The following FAM222B variants were observed in gnomAD, a reference collection of about 807,000 sequenced individuals.
FAM222B encodes family with sequence similarity 222 member B.
A neutral mutation model predicts 38.0 loss-of-function variants in FAM222B; 12 were observed. The ratio of observed to expected loss-of-function variants is 0.32; its 90% CI spans 0.20 to 0.51. FAM222B has a LOEUF of 0.51. Among genes scored for constraint, FAM222B ranks in the 20% least tolerant of loss-of-function variants. FAM222B has a pLI of 0.97. For synonymous variants in FAM222B, 329 were observed against 317.2 expected (o/e 1.04, Z -0.40); for missense variants, 716 against 754.2 (o/e 0.95, Z 0.59).
intron 1 of FAM222B, among the ~76,000 whole-genome samples, chr17:28,778,346 G>A (rs1209055616): frequency 4.0e-5 from 6 of 151,814 alleles, no homozygotes; most frequent in African/African-American, 1.2e-4. Context: ...AACATGCGGT[G>A]TTTGGTTTTC....
intron 1 of FAM222B, among the ~76,000 whole-genome samples, chr17:28,792,981 G>T (rs1277161171): frequency 6.6e-6 from 1 of 151,570 alleles, no homozygotes; most frequent in Non-Finnish European, 1.5e-5. Context: ...CAGTGCAGTA[G>T]TGTGACCACA....
At position 28,757,722 on chromosome 17, in the gene FAM222B, G is replaced by A. The variant is rs1192413724; in HGVS notation, c.*548C>T. ...GGGATCAATATAGACACAAAACAAAGCCTTGAGGAATGGAAAGGAACTTGA... is the reference window on the plus strand; with the variant it reads ...GGGATCAATATAGACACAAAACAAAACCTTGAGGAATGGAAAGGAACTTGA... On this transcript the variant is annotated 3_prime_UTR_variant, in exon 3 of 3. Coordinates refer to ENST00000581407, the MANE Select transcript of FAM222B (RefSeq NM_001077498.3). 6.5e-6 allele frequency: 1 copy of A among 152,804 alleles called. No homozygotes were observed. Among genetic ancestry groups the A allele is most frequent in the East Asian group, 1.9e-4 (1 of 5,198 alleles). The allele number at this position is 152,804 out of a possible 1,614,324, so 9.5% of individuals were successfully genotyped here.
upstream of FAM222B, among the ~76,000 whole-genome samples, chr17:28,843,031 C>T (rs936554025): frequency 6.6e-6 from 1 of 152,160 alleles, no homozygotes; most frequent in Non-Finnish European, 1.5e-5. Context: ...ATCGCGCTTC[C>T]CCAAGGAGCC....
chr17:28,780,269 C>T (rs1414187905), intron 1 of FAM222B, among the ~76,000 whole-genome samples: 1 of 151,968 alleles, frequency 6.6e-6, no homozygotes, highest in African/African-American at 2.4e-5. Context: ...AAGTCCCAGA[C>T]AGAGCAATTA....
intron 1 of FAM222B, among the ~76,000 whole-genome samples, chr17:28,807,276 A>G (rs2037536464): frequency 6.6e-6 from 1 of 151,846 alleles, no homozygotes; most frequent in South Asian, 2.1e-4. Context: ...TCAGCTTCCC[A>G]AAGTCCTGGG....
At chr17:28,822,832 A>AAATAT (rs1567887716) in intron 1 of FAM222B, among the ~76,000 whole-genome samples, 4 of 42,798 alleles carry the variant, frequency 9.3e-5, no homozygotes, top group African/African-American at 2.3e-4. Flanking sequence ...AAAAAAAAAA[A>AAATAT]ATATATATAT....
chr17:28,811,843 G>C (rs766785990), intron 1 of FAM222B, among the ~76,000 whole-genome samples: 3 of 152,174 alleles, frequency 2.0e-5, no homozygotes, highest in Admixed American at 6.5e-5. Context: ...AAATGGTGAA[G>C]ACAACCTTAA....
At chr17:28,838,278 G>C (rs1462474555) in intron 1 of FAM222B, among the ~76,000 whole-genome samples, 1 of 144,420 alleles carries the variant, frequency 6.9e-6, no homozygotes. Flanking sequence ...GTGAGACCCT[G>C]TCTCAAAAAA....
intron 1 of FAM222B, among the ~76,000 whole-genome samples, chr17:28,840,532 C>A (rs1756178766): frequency 6.6e-6 from 1 of 152,094 alleles, no homozygotes; most frequent in African/African-American, 2.4e-5. Flanking sequence ...CCTGAGAGAT[C>A]CCACTGACAA....
At chr17:28,832,131 C>A (rs550431225) in intron 1 of FAM222B, among the ~76,000 whole-genome samples, 1 of 151,816 alleles carries the variant, frequency 6.6e-6, no homozygotes, top group Non-Finnish European at 1.5e-5. Context: ...CGGAGCTTGC[C>A]GTGAGCCGAG....
intron 1 of FAM222B, among the ~76,000 whole-genome samples, chr17:28,837,388 C>T (rs1159009192): frequency 6.6e-6 from 1 of 151,116 alleles, no homozygotes; most frequent in African/African-American, 2.4e-5. Flanking sequence ...CGAGATCGAG[C>T]CACTGCACTC....
intron 1 of FAM222B, among the ~76,000 whole-genome samples, chr17:28,828,039 C>A (rs73986755): frequency 0.028 from 4,280 of 150,646 alleles, 210 homozygotes; most frequent in African/African-American, 0.099. Flanking sequence ...AAAATCAGAC[C>A]TGGGACCAAC....
intron 1 of FAM222B, among the ~76,000 whole-genome samples, chr17:28,768,535 C>G (rs1194756923): frequency 1.3e-5 from 2 of 149,876 alleles, no homozygotes; most frequent in South Asian, 2.1e-4. Context: ...TTCAGTGCCT[C>G]AAGAAAAAAA....
At chr17:28,801,254 C>A (rs1176079809) in intron 1 of FAM222B, among the ~76,000 whole-genome samples, 1 of 148,366 alleles carries the variant, frequency 6.7e-6, no homozygotes. Context: ...GAGATCGAGA[C>A]CATCCTGGCT....
intron 1 of FAM222B, chr17:28,790,258 T>A (rs2036602478): frequency 6.6e-6 from 1 of 152,174 alleles, no homozygotes; most frequent in Non-Finnish European, 1.5e-5. Flanking sequence ...AAGCCCTGTC[T>A]CCTAAAAATA....
rs1260851824 is a variant in FAM222B, at chr17:28,759,530, A to T, written c.429T>A (p.Thr143=). ...VAPYATVAPS[T]LAHPQAQALA... ...GAGCCTGGGCCTGGGGGTGGGCTAAAGTGCTGGGTGCCACAGTAGCATAGG... is the reference window on the plus strand; with the variant it reads ...GAGCCTGGGCCTGGGGGTGGGCTAATGTGCTGGGTGCCACAGTAGCATAGG... Residue 143 remains threonine (T), a synonymous_variant, in exon 3 of 3, where the codon ACT becomes ACA. Transcript: ENST00000581407. This position sits in a 1 kb window ranked among gnomAD's most constrained non-coding sequence, Gnocchi z 4.8. 6.3e-7 allele frequency: 1 copy of T among 1,592,926 alleles called. No individual in the cohort carries two copies. The highest frequency in any genetic ancestry group is 8.6e-7 in the Non-Finnish European group (1 of 1,168,170).
At chr17:28,848,682 A>G (rs1450408604) in intron 1 of FAM222B, among the ~76,000 whole-genome samples, 1 of 150,954 alleles carries the variant, frequency 6.6e-6, no homozygotes, top group Non-Finnish European at 1.5e-5. Flanking sequence ...CGCTTGAACC[A>G]GGGAGGCGGA....
intron 1 of FAM222B, among the ~76,000 whole-genome samples, chr17:28,822,881 A>G (rs1006726252): frequency 1.5e-5 from 2 of 132,908 alleles, no homozygotes; most frequent in African/African-American, 5.8e-5. Context: ...ATATATATAT[A>G]TACACACACA....
chr17:28,764,566 T>C (rs1350041829), intron 2 of FAM222B, among the ~76,000 whole-genome samples: 1 of 151,804 alleles, frequency 6.6e-6, no homozygotes, highest in Non-Finnish European at 1.5e-5. Context: ...CTGACCAACA[T>C]GAAGAAACCC....
Sources: allele counts gnomAD v4.1 joint callset (sites outside exome capture counted in the v4.1 genomes callset), GRCh38; gene constraint gnomAD v4.1.1; non-coding constraint Gnocchi (gnomAD v3.1); transcripts MANE v1.5; gene names NCBI Gene and HGNC (gene_info 2026-07-23, HGNC 2026-07-21).